Variants in GRHL2 observed in about 807,000 individuals in gnomAD.
The protein encoded by GRHL2 is grainyhead like transcription factor 2.
GRHL2 carries 21 observed loss-of-function variants against 83.8 expected under a neutral mutation model. The observed-to-expected ratio is 0.25, with a 90% CI of 0.18 to 0.36. The LOEUF is 0.36. Ranked by LOEUF, GRHL2 falls within the 10% of genes least tolerant of loss-of-function variation. The probability of loss-of-function intolerance (pLI) is 1.00; values close to 1 mark genes in which losing one functional copy is unlikely to be tolerated. For missense variants in GRHL2, 623 were observed against 781.8 expected (o/e 0.80, Z 2.42); for synonymous variants, 280 against 278.9 (o/e 1.00, Z -0.04).
intron 2 of GRHL2, among the ~76,000 whole-genome samples, chr8:101,552,498 G>A (rs761099693): frequency 2.0e-5 from 3 of 152,226 alleles, no homozygotes; most frequent in Non-Finnish European, 2.9e-5. Context: ...AATCATGTCT[G>A]TTGTGGCCAT....
chr8:101,529,553 C>G (rs948784425), intron 1 of GRHL2: 2 of 239,916 alleles, frequency 8.3e-6, no homozygotes, highest in African/African-American at 4.6e-5. Flanking sequence ...TGGTGCACCA[C>G]CGTCTTGGTC....
the GRHL2 span, among the ~76,000 whole-genome samples, chr8:101,677,075 G>C: frequency 6.6e-6 from 1 of 151,908 alleles, no homozygotes; most frequent in Admixed American, 6.6e-5. Flanking sequence ...GTGGGGTGAG[G>C]GGGGGATAGA....
downstream of GRHL2, among the ~76,000 whole-genome samples, chr8:101,672,212 T>G (rs1814222244): frequency 6.6e-6 from 1 of 151,696 alleles, no homozygotes; most frequent in South Asian, 2.1e-4. Context: ...GGGAATGACT[T>G]TGACGAGCTG....
At chr8:101,498,407 G>A (rs770445510) in intron 1 of GRHL2, among the ~76,000 whole-genome samples, 2 of 152,092 alleles carry the variant, frequency 1.3e-5, no homozygotes, top group Admixed American at 6.6e-5. Context: ...GGCATGAGCC[G>A]CCATGCTTGG....
At chr8:101,570,727 G>C (rs1811804351) in intron 5 of GRHL2, among the ~76,000 whole-genome samples, 1 of 151,852 alleles carries the variant, frequency 6.6e-6, no homozygotes, top group African/African-American at 2.4e-5. Context: ...TTTTCCACTT[G>C]TTTCACACCT....
At chr8:101,513,113 A>AT (rs998649303) in intron 1 of GRHL2, among the ~76,000 whole-genome samples, 1 of 151,700 alleles carries the variant, frequency 6.6e-6, no homozygotes, top group African/African-American at 2.4e-5. Flanking sequence ...AAATTTCCTA[A>AT]TTTTTTTTGA....
At chr8:101,592,200 G>A (rs1241885192) in intron 7 of GRHL2, among the ~76,000 whole-genome samples, 2 of 147,694 alleles carry the variant, frequency 1.4e-5, no homozygotes, top group East Asian at 4.0e-4. Context: ...CGCCTCCCGG[G>A]TTCAAGCAAT....
intron 4 of GRHL2, among the ~76,000 whole-genome samples, chr8:101,563,844 A>G (rs1446990989): frequency 6.6e-6 from 1 of 152,096 alleles, no homozygotes; most frequent in Non-Finnish European, 1.5e-5. Flanking sequence ...AACTGAAATT[A>G]TCACTCCATG....
At chr8:101,651,452 T>A (rs1293698719) in intron 14 of GRHL2, among the ~76,000 whole-genome samples, 1 of 152,246 alleles carries the variant, frequency 6.6e-6, no homozygotes, top group East Asian at 1.9e-4. Flanking sequence ...TGAGAACCTC[T>A]GATCTAGACC....
intron 7 of GRHL2, among the ~76,000 whole-genome samples, chr8:101,584,660 G>T (rs1812126164): frequency 6.6e-6 from 1 of 152,240 alleles, no homozygotes; most frequent in South Asian, 2.1e-4. Context: ...CTACAAGCAT[G>T]CTTTCTCAGT....
At chr8:101,607,272 C>T (rs2130335657) in intron 8 of GRHL2, among the ~76,000 whole-genome samples, 1 of 152,312 alleles carries the variant, frequency 6.6e-6, no homozygotes, top group East Asian at 1.9e-4. Context: ...CGTTCTTAAT[C>T]TGCTGACCTC....
At chr8:101,556,322 C>T (rs1811488543) in intron 3 of GRHL2, among the ~76,000 whole-genome samples, 1 of 152,084 alleles carries the variant, frequency 6.6e-6, no homozygotes, top group African/African-American at 2.4e-5. Flanking sequence ...CCAGAAAGCA[C>T]ATGCTAGATA....
intron 1 of GRHL2, among the ~76,000 whole-genome samples, chr8:101,509,109 CCTTCCTT>C (rs1810399018): frequency 2.4e-5 from 1 of 42,162 alleles, no homozygotes; most frequent in African/African-American, 8.0e-5. Flanking sequence ...TTCTTTCTCT[CCTTCCTT>C]CCTTCCTTCC....
intron 1 of GRHL2, chr8:101,529,552 A>G: frequency 4.2e-6 from 1 of 239,694 alleles, no homozygotes; most frequent in Non-Finnish European, 8.4e-6. Context: ...ATGGTGCACC[A>G]CCGTCTTGGT....
chr8:101,674,872 G>A, the GRHL2 span, among the ~76,000 whole-genome samples: 1 of 152,024 alleles, frequency 6.6e-6, no homozygotes, highest in Non-Finnish European at 1.5e-5. Flanking sequence ...GATCAAGTGG[G>A]CTTCATCCCT....
chr8:101,672,002 T>A (rs1814219047), downstream of GRHL2, among the ~76,000 whole-genome samples: 1 of 151,932 alleles, frequency 6.6e-6, no homozygotes, highest in African/African-American at 2.4e-5. Context: ...TCCTATCTGT[T>A]AGAAGGAAAA....
At chr8:101,552,104 T>A (rs1226328772) in intron 2 of GRHL2, among the ~76,000 whole-genome samples, 1 of 151,990 alleles carries the variant, frequency 6.6e-6, no homozygotes, top group Non-Finnish European at 1.5e-5. Context: ...CAAAGGGCAT[T>A]AGGAGTTTTA....
intron 2 of GRHL2, chr8:101,544,074 A>G (rs146029467): frequency 0.011 from 1,685 of 155,034 alleles, 25 homozygotes; most frequent in African/African-American, 0.038. Context: ...TGTCCCTCCC[A>G]CAACACATGG....
chr8:101,624,753 G>A (rs867921735), intron 9 of GRHL2, among the ~76,000 whole-genome samples: 25 of 152,252 alleles, frequency 1.6e-4, no homozygotes, highest in Admixed American at 7.2e-4. Context: ...AGTTTCCAGA[G>A]GCCTGTTAAC....
Sources: allele counts gnomAD v4.1 joint callset (sites outside exome capture counted in the v4.1 genomes callset), GRCh38; gene constraint gnomAD v4.1.1; transcripts MANE v1.5; gene names NCBI Gene and HGNC (gene_info 2026-07-23, HGNC 2026-07-21).